POMT1: variants seen among roughly 807,000 people sequenced by gnomAD.
The protein encoded by POMT1 is protein O-mannosyltransferase 1, also known as protein O-mannosyl-transferase 1.
A neutral mutation model predicts 101.6 loss-of-function variants in POMT1; 85 were observed. The observed-to-expected ratio is 0.84, with a 90% confidence interval of 0.70 to 1.00. The LOEUF (loss-of-function observed/expected upper bound fraction) is 1.00, where lower values mean the gene tolerates loss of function less well. POMT1 is among the 50% of genes least tolerant of loss of function. The pLI, the probability that POMT1 is intolerant of heterozygous loss-of-function variation, is 0.00. For synonymous variants in POMT1, 371 were observed against 383.0 expected (o/e 0.97, Z 0.37); for missense variants, 857 against 930.4 (o/e 0.92, Z 1.03).
At position 131,519,496 on chromosome 9, in the gene POMT1, G is replaced by T; in HGVS notation, c.1584+10G>T. 6.5e-7 allele frequency: 1 copy of T among 1,549,068 alleles called. No individual in the cohort carries two copies. The highest frequency in any genetic ancestry group is 8.7e-7 in the Non-Finnish European group (1 of 1,146,918). On this transcript the variant is annotated intron_variant, in intron 16 of 19. Transcript: ENST00000402686. This position sits in a 1 kb window ranked among gnomAD's most constrained non-coding sequence, Gnocchi z 4.3. ...ATTCTCGGAGCTGCAGGTGAGGAGC[G>T]GCCAGGGGAAGCTGGCCTAGCTCGC...
rs1347678628 is a variant in POMT1 at position 131,518,855 on chromosome 9, C to T, written c.1384C>T (p.Pro462Ser). The T allele has an allele frequency of 3.7e-6, 6 of 1,614,016 alleles. No individual in the cohort carries two copies. The highest frequency in any genetic ancestry group is 3.3e-5 in the South Asian group (3 of 91,086). Residue 462 changes from proline to serine, a missense_variant, in exon 15 of 20, where the codon CCT becomes TCT. Physicochemically the swap from Pro to Ser is moderately conservative, Grantham distance 74 (BLOSUM62 -1). Transcript: ENST00000402686. ...AVLKLSGAHLPDWGYRQLEIV... is the reference protein window; with the variant it reads ...AVLKLSGAHLSDWGYRQLEIV... ...TCACCAGCTGAGCGGGGCTCACCTC[C>T]CTGACTGGGGGTATCGGCAACTGGA...
In POMT1 at chr9:131,508,949, G is replaced by T; in HGVS notation, c.466G>T (p.Glu156Ter). 1 of 1,613,912 alleles carries T rather than the reference G, an allele frequency of 6.2e-7. No individual in the cohort carries two copies. The highest frequency in any genetic ancestry group is 1.1e-5 in the South Asian group (1 of 91,072). Residue 156 changes from glutamate (E) to a stop codon, truncating the protein, a stop_gained, in exon 6 of 20, where the codon GAA becomes TAA. Coordinates refer to ENST00000402686, the MANE Select transcript of POMT1 (RefSeq NM_001077365.2). LOFTEE classifies it high-confidence loss of function. ...CACTCAGTCAAGGCTAATGCTTTTG[G>T]AATCAGTGTTAATATTTTTCAATCT... ...LITQSRLMLL[E>*]SVLIFFNLLA...
At chr9:131,507,983 A>C (rs925878438) in intron 5 of POMT1, among the ~76,000 whole-genome samples, 2 of 152,226 alleles carry the variant, frequency 1.3e-5, no homozygotes, top group Admixed American at 6.5e-5. Flanking sequence ...CTATAATCCC[A>C]GCACTTTGGA....
Position 131,519,606 on chromosome 9 carries a change from C to G in POMT1, c.1584+120C>G. 1 of 966,104 alleles carries G rather than the reference C, an allele frequency of 1.0e-6. No individual in the cohort carries two copies. The allele number at this position is 966,104 out of a possible 1,614,324, so 59.8% of individuals were successfully genotyped here. A position where few individuals can be genotyped will look rare whatever the true frequency, so the allele number is the denominator to read the frequency against. ...GGCTTTGACGCTGGAGCTACAGGCT[C>G]ACAACAGAATGAGTGTCTCCTCTCT... On this transcript the variant is annotated intron_variant, in intron 16 of 19. Coordinates refer to ENST00000402686, the MANE Select transcript of POMT1 (RefSeq NM_001077365.2). This position sits in a 1 kb window ranked among gnomAD's most constrained non-coding sequence, Gnocchi z 4.3.
At chr9:131,516,114 G>T (rs1233018527) in intron 13 of POMT1, among the ~76,000 whole-genome samples, 2 of 46,702 alleles carry the variant, frequency 4.3e-5, no homozygotes, top group Non-Finnish European at 9.1e-5. Flanking sequence ...CTTCCTCACA[G>T]GGAGCACTTC....
chr9:131,512,332 C>A (rs1300481193), intron 11 of POMT1, among the ~76,000 whole-genome samples, 196 bp downstream of exon 11: 1 of 152,208 alleles, frequency 6.6e-6, no homozygotes, highest in African/African-American at 2.4e-5. Context: ...GCAGCCTGCT[C>A]AGTAGCTGCT....
At position 131,509,894 on chromosome 9, in the gene POMT1, T is replaced by C. The variant is rs760178838; in HGVS notation, c.606-9T>C. ...TCATGTTAACTCCATTTCTGTCATG[T>C]CTTTGCAGCATCAAGTACATGGGTG... On this transcript the variant is annotated splice_polypyrimidine_tract_variant and intron_variant, in intron 7 of 19. Transcript: ENST00000402686. 1 of 1,614,112 alleles carries C rather than the reference T, an allele frequency of 6.2e-7. No individual in the cohort carries two copies. The highest frequency in any genetic ancestry group is 1.3e-5 in the African/African-American group (1 of 74,926).
In POMT1 at chr9:131,509,969, C is replaced by T; in HGVS notation, c.672C>T (p.His224=). The T allele has an allele frequency of 6.2e-7, 1 of 1,614,238 alleles. No homozygotes were observed. The highest frequency in any genetic ancestry group is 8.5e-7 in the Non-Finnish European group (1 of 1,180,046). ...VLGVAAVHAW[H]LLGDQTLSNV... is the part of the protein sequence containing the mutation. ...GTGTTGCAGCTGTCCATGCCTGGCA[C>T]CTGCTTGGAGACCAGACTTTGTCCA... Residue 224 remains histidine, a synonymous_variant, in exon 8 of 20, where the codon CAC becomes CAT. Coordinates refer to ENST00000402686, the MANE Select transcript of POMT1 (RefSeq NM_001077365.2).
chr9:131,508,886 G>T, intron 5 of POMT1, 25 bp from the exon 6 acceptor site: 1 of 1,524,536 alleles, frequency 6.6e-7, no homozygotes, highest in South Asian at 1.1e-5. Flanking sequence ...CCTTAAAATT[G>T]ACATGTGTTT....
Position 131,522,941 on chromosome 9 carries a change from CCA to C in POMT1, c.2014_2015del (p.Gln672GlufsTer36), listed in dbSNP as rs761990380. The C allele has an allele frequency of 1.9e-6, 3 of 1,591,804 alleles. No individual in the cohort carries two copies. Among genetic ancestry groups the C allele is most frequent in the Non-Finnish European group, 2.6e-6 (3 of 1,171,428 alleles). On this transcript the variant is annotated frameshift_variant, in exon 20 of 20. Transcript: ENST00000402686. LOFTEE classifies it high-confidence loss of function. This position sits in a 1 kb window ranked among gnomAD's most constrained non-coding sequence, Gnocchi z 5.5. The stretch of plus-strand genomic sequence containing the variant: ...GCTCTGACCTCTGCAGGTCCCAGCT[CCA>C]GAGGAGCATCTTCAGCGCCCTGGTG... ...ISDHLCRSQL[Q>X]RSIFSALVVA...
At chr9:131,521,010 T>A in intron 17 of POMT1, 1 of 355,468 alleles carries the variant, frequency 2.8e-6, no homozygotes, top group Non-Finnish European at 5.5e-6. Context: ...CCCAGCTAAT[T>A]TTTGTACTTT....
In POMT1 at chr9:131,520,155, G is replaced by A; in HGVS notation, c.1660G>A (p.Asp554Asn). 6.2e-7 allele frequency: 1 copy of A among 1,613,844 alleles called. No individual in the cohort carries two copies. The highest frequency in any genetic ancestry group is 8.5e-7 in the Non-Finnish European group (1 of 1,180,020). The change falls in exon 17 of 20, where the codon GAC (aspartate) becomes AAC (asparagine). Residue 554 changes from aspartate (D) to asparagine (N), a missense_variant. Physicochemically the swap from Asp to Asn is conservative, Grantham distance 23. Transcript: ENST00000402686. ...CAGCCCACTGGAGTGGGTCACCCTG[G>A]ACACCAATATTGCCTACTGGCTGCA... ...SSSPLEWVTL[D>N]TNIAYWLHPR...
rs76554548 is a variant in POMT1 at position 131,504,588 on chromosome 9, T to C, written c.122+248T>C. Among the ~76,000 whole-genome samples, 857 of 152,268 alleles carry C rather than the reference T, an allele frequency of 5.6e-3. 8 individuals carry two copies. Among genetic ancestry groups the C allele is most frequent in the African/African-American group, 0.02 (833 of 41,524 alleles). On this transcript the variant is annotated intron_variant, in intron 2 of 19. Transcript: ENST00000402686. The stretch of plus-strand genomic sequence containing the variant: ...TAAAGGGGTGCAGTAGAGGAAAATC[T>C]GGTTGCCAGCCTTAAGTAACAGTTT...
intron 14 of POMT1, 94 bp from the exon 15 acceptor site, chr9:131,518,743 G>A: frequency 1.3e-6 from 2 of 1,597,414 alleles, no homozygotes; most frequent in Non-Finnish European, 1.7e-6. Context: ...CCTGCTGACA[G>A]CGTGACCCGG....
chr9:131,511,298 T>G, intron 9 of POMT1, 39 bp from the exon 10 acceptor site: 1 of 1,580,204 alleles, frequency 6.3e-7, no homozygotes, highest in South Asian at 1.1e-5. Context: ...TCATTTTTCT[T>G]TCTGTCTCTC....
chr9:131,522,799 A>G lies in POMT1; in HGVS notation c.2004-133A>G. 1 of 994,618 alleles carries G rather than the reference A, an allele frequency of 1.0e-6. No homozygotes were observed. The highest frequency in any genetic ancestry group is 1.5e-6 in the Non-Finnish European group (1 of 658,464). The allele number at this position is 994,618 out of a possible 1,614,324, so 61.6% of individuals were successfully genotyped here. A position where few individuals can be genotyped will look rare whatever the true frequency, so the allele number is the denominator to read the frequency against. ...GAGATGGTCATGGGTGGCAGGAGAC[A>G]AGACACAGAAACCTGAAGGCAGAAC... On this transcript the variant is annotated intron_variant, in intron 19 of 19. Coordinates refer to ENST00000402686, the MANE Select transcript of POMT1 (RefSeq NM_001077365.2). The surrounding 1 kb of genome is among the most constrained non-coding windows in gnomAD (Gnocchi z 5.5).
chr9:131,518,281 T>C (rs200665711), intron 13 of POMT1, 164 bp from the exon 14 acceptor site: 70 of 775,228 alleles, frequency 9.0e-5, no homozygotes, highest in Admixed American at 8.9e-4. Flanking sequence ...CTGTGGGCAT[T>C]GGGAAGGAAG....
chr9:131,505,850 C>G (rs914844178), intron 2 of POMT1, among the ~76,000 whole-genome samples: 2 of 152,098 alleles, frequency 1.3e-5, no homozygotes, highest in African/African-American at 4.8e-5. Context: ...CCACCTAAAT[C>G]AAACACAAGG....
At position 131,503,932 on chromosome 9, in the gene POMT1, C is replaced by A. The variant is rs1046244427; in HGVS notation, c.-30-257C>A. Among the ~76,000 whole-genome samples, 2 of 152,160 alleles carry A rather than the reference C, an allele frequency of 1.3e-5. No homozygotes were observed. The highest frequency in any genetic ancestry group is 4.8e-5 in the African/African-American group (2 of 41,424). The stretch of plus-strand genomic sequence containing the variant: ...AGTGTTCTCGCGCCCAAGACGTGCT[C>A]GGCAGGTTTTGTGGAATGAGTTGTT... On this transcript the variant is annotated intron_variant, in intron 1 of 19. Transcript: ENST00000402686. The surrounding 1 kb of genome is among the most constrained non-coding windows in gnomAD (Gnocchi z 4.4).
Sources: allele counts gnomAD v4.1 joint callset (sites outside exome capture counted in the v4.1 genomes callset), GRCh38; gene constraint gnomAD v4.1.1; non-coding constraint Gnocchi (gnomAD v3.1); transcripts MANE v1.5; gene names NCBI Gene and HGNC (gene_info 2026-07-23, HGNC 2026-07-21).